The following ZNF441 variants were observed in gnomAD, a reference collection of about 807,000 sequenced individuals.
ZNF441 encodes the protein zinc finger protein 441.
Under a neutral mutation model 64.5 loss-of-function variants are expected in ZNF441, and 25 were observed. The observed-to-expected ratio is 0.39, with a 90% CI of 0.28 to 0.54. The LOEUF (loss-of-function observed/expected upper bound fraction) is 0.54. Ranked by LOEUF, ZNF441 falls within the 20% of genes least tolerant of loss-of-function variation. The pLI is 0.70. For missense variants in ZNF441, 715 were observed against 843.3 expected, an observed-to-expected ratio of 0.85 and a Z score of 1.88; for synonymous variants, 262 against 268.0, an observed-to-expected ratio of 0.98 and a Z score of 0.22.
Position 11,781,002 on chromosome 19 carries a change from A to C in ZNF441, c.1178A>C (p.Lys393Thr), listed in dbSNP as rs1307955259. The C allele has an allele frequency of 5.6e-6, 9 of 1,613,584 alleles. No homozygotes were observed. The Admixed American group carries it at 1.5e-4, about 27-fold the overall frequency. Residue 393 changes from lysine (K) to threonine (T), a missense_variant, in exon 4 of 4, where the codon AAA becomes ACA. Coordinates refer to ENST00000357901, the MANE Select transcript of ZNF441 (RefSeq NM_152355.3). ...ACTCATACTGGGGAGAAACCCTATA[A>C]ATGTGAATGTGGGAAAGCCTTTAGT... ...ETTHTGEKPY[K>T]CECGKAFSDF...
rs1230712000 is a variant in ZNF441, at chr19:11,783,605, A to G, written c.*1699A>G. ...CTATTTGGCCATAAAAAAGAGTAAAATGTTATTGCTAACAACATGGATGGA... is the reference window on the plus strand; with the variant it reads ...CTATTTGGCCATAAAAAAGAGTAAAGTGTTATTGCTAACAACATGGATGGA... On this transcript the variant is annotated 3_prime_UTR_variant, in exon 4 of 4. Coordinates refer to ENST00000357901, the MANE Select transcript of ZNF441 (RefSeq NM_152355.3). The G allele has an allele frequency of 6.6e-6, 1 of 152,190 alleles. No individual in the cohort carries two copies. Among genetic ancestry groups the G allele is most frequent in the Non-Finnish European group, 1.5e-5 (1 of 68,024 alleles). The allele number at this position is 152,190 out of a possible 1,614,324, so 9.4% of individuals were successfully genotyped here.
chr19:11,767,964 G>A lies in ZNF441; in HGVS notation c.3+768G>A, dbSNP rs114579730. Among the ~76,000 whole-genome samples the A allele has an allele frequency of 7.7e-3, 1,171 of 152,300 alleles. 20 individuals are homozygous for A. Among genetic ancestry groups the A allele is most frequent in the African/African-American group, 0.027 (1,113 of 41,562 alleles). ...TGGCTCGCAGTTCTGTGAACCCGGT[G>A]AGGAGGCTGCACGGTGATGACAGGT... is the stretch of plus-strand genomic sequence containing the variant. On this transcript the variant is annotated intron_variant, in intron 1 of 3. Transcript: ENST00000357901. The surrounding 1 kb of genome is among the most constrained non-coding windows in gnomAD (Gnocchi z 5.1).
At chr19:11,778,647 G>C (rs1975372694) in intron 3 of ZNF441, among the ~76,000 whole-genome samples, 1 of 152,100 alleles carries the variant, frequency 6.6e-6, no homozygotes. Flanking sequence ...TGTAGAGATA[G>C]AGTCTTGCTG....
chr19:11,783,206 T>A lies in ZNF441; in HGVS notation c.*1300T>A, dbSNP rs1975417820. The A allele has an allele frequency of 1.3e-5, 2 of 152,212 alleles. No homozygotes were observed. The highest frequency in any genetic ancestry group is 4.1e-4 in the South Asian group (2 of 4,832). The allele number at this position is 152,212 out of a possible 1,614,324, so 9.4% of individuals were successfully genotyped here. A position where few individuals can be genotyped will look rare whatever the true frequency, so the allele number is the denominator to read the frequency against. ...TATATGGAAATATGTTCAACATCACTAATGATTAGGAAAATGCAAATTGAA... is the reference window on the plus strand; with the variant it reads ...TATATGGAAATATGTTCAACATCACAAATGATTAGGAAAATGCAAATTGAA... On this transcript the variant is annotated 3_prime_UTR_variant, in exon 4 of 4. Transcript: ENST00000357901.
rs1274113516 is a variant in ZNF441, at chr19:11,784,068, T to A, written c.*2162T>A. ...CAATAAAAGAAAATATATAAGATAG[T>A]TTTAAAATAACACTATTGTCAGGTG... On this transcript the variant is annotated 3_prime_UTR_variant, in exon 4 of 4. Coordinates refer to ENST00000357901, the MANE Select transcript of ZNF441 (RefSeq NM_152355.3). The A allele has an allele frequency of 3.9e-5, 6 of 152,094 alleles. No homozygotes were observed. The highest frequency in any genetic ancestry group is 8.8e-5 in the Non-Finnish European group (6 of 68,014). 9.4% of individuals were successfully genotyped at this position (152,094 alleles called of 1,614,324 possible).
chr19:11,775,013 G>A (rs1367903235), intron 1 of ZNF441, among the ~76,000 whole-genome samples: 1 of 152,204 alleles, frequency 6.6e-6, no homozygotes, highest in African/African-American at 2.4e-5. Flanking sequence ...TGAAGTCTCT[G>A]TTCCCTTAGC....
Position 11,778,376 on chromosome 19 carries a change from T to C in ZNF441, c.177T>C (p.Asp59=). The change falls in exon 3 of 4, where the codon GAT becomes GAC. Residue 59 remains aspartate, a synonymous_variant. Transcript: ENST00000357901. The part of the protein sequence containing the change: ...NHDIEEDQYK[D]LRRNLRCHMV... ...ATATAGAAGAAGATCAGTACAAAGA[T>C]CTCAGAAGAAATCTAAGGTAATTTG... 1 of 1,547,664 alleles carries C rather than the reference T, an allele frequency of 6.5e-7. No individual in the cohort carries two copies. The highest frequency in any genetic ancestry group is 8.7e-7 in the Non-Finnish European group (1 of 1,145,420).
chr19:11,780,664 T>C lies in ZNF441; in HGVS notation c.840T>C (p.Tyr280=). The C allele has an allele frequency of 6.2e-7, 1 of 1,614,130 alleles. No homozygotes were observed. Among genetic ancestry groups the C allele is most frequent in the East Asian group, 2.2e-5 (1 of 44,872 alleles). ...YERTHTGEQS[Y]ECKQCGKAFY... ...GGACTCACACTGGAGAACAATCCTA[T>C]GAATGTAAGCAATGTGGGAAAGCAT... The change falls in exon 4 of 4, where the codon TAT becomes TAC. Residue 280 remains tyrosine (Y), a synonymous_variant. Transcript: ENST00000357901.
chr19:11,776,120 G>A (rs563844227), intron 1 of ZNF441, among the ~76,000 whole-genome samples: 130 of 152,302 alleles, frequency 8.5e-4, no homozygotes, highest in African/African-American at 2.8e-3. Context: ...ATAAAAAAGA[G>A]AACTTTCTTT....
At position 11,767,165 on chromosome 19, in the gene ZNF441, G is replaced by A. The variant is rs1311803582; in HGVS notation, c.-29G>A. 9 of 1,556,700 alleles carry A rather than the reference G, an allele frequency of 5.8e-6. No homozygotes were observed. The highest frequency in any genetic ancestry group is 7.8e-6 in the Non-Finnish European group (9 of 1,150,090). The stretch of plus-strand genomic sequence containing the variant: ...CCCGCACTGACAGCGGGAGGCAGAG[G>A]GAGGAACCTGGACGCCGGAAGCCGG... On this transcript the variant is annotated 5_prime_UTR_variant, in exon 1 of 4. Coordinates refer to ENST00000357901, the MANE Select transcript of ZNF441 (RefSeq NM_152355.3). This position sits in a 1 kb window ranked among gnomAD's most constrained non-coding sequence, Gnocchi z 5.1.
rs1419176825 is a variant in ZNF441 at position 11,781,343 on chromosome 19, A to T, written c.1519A>T (p.Ile507Leu). Residue 507 changes from isoleucine (I) to leucine (L), a missense_variant, in exon 4 of 4, where the codon ATA (isoleucine) becomes TTA (leucine). This residue lies in a region of ZNF441 where 316 missense variants were observed against 429.3 expected (regional missense o/e 0.74). Coordinates refer to ENST00000357901, the MANE Select transcript of ZNF441 (RefSeq NM_152355.3). ...TGGAGATGGACCTCATAAATGTAAG[A>T]TATGTGGGAAAAGCTTTGATTCTCC... is the stretch of plus-strand genomic sequence containing the variant. Reference protein sequence around the residue: ...HTGDGPHKCKICGKSFDSPSS... With the variant: ...HTGDGPHKCKLCGKSFDSPSS... 2 of 1,613,182 alleles carry T rather than the reference A, an allele frequency of 1.2e-6. No homozygotes were observed. Among genetic ancestry groups the T allele is most frequent in the East Asian group, 2.2e-5 (1 of 44,814 alleles).
In ZNF441 at chr19:11,781,386, A is replaced by ATG. The variant is rs1357269727; in HGVS notation, c.1563_1564dup (p.Glu522ValfsTer58). 6.2e-7 allele frequency: 1 copy of ATG among 1,614,098 alleles called. No homozygotes were observed. The highest frequency in any genetic ancestry group is 1.7e-5 in the Admixed American group (1 of 60,014). On this transcript the variant is annotated frameshift_variant, in exon 4 of 4. Coordinates refer to ENST00000357901, the MANE Select transcript of ZNF441 (RefSeq NM_152355.3). LOFTEE classifies it high-confidence loss of function. ...GATTCTCCCAGTTCATTTCGAAGACATGAAAGAATTCACACTGGGGAGAGA... is the reference window on the plus strand; with the variant it reads ...GATTCTCCCAGTTCATTTCGAAGACATGTGAAAGAATTCACACTGGGGAGAGA...
chr19:11,780,457 TC>T lies in ZNF441; in HGVS notation c.634del (p.His212IlefsTer29). ...ACGCCTTTATTTGGCCTAGTTTATT[TC>T]ATATGCTTAGAAGAACTCACACTGA... ...GNAFIWPSLF[H>X]MLRRTHTEEK... On this transcript the variant is annotated frameshift_variant, in exon 4 of 4. Coordinates refer to ENST00000357901, the MANE Select transcript of ZNF441 (RefSeq NM_152355.3). LOFTEE classifies it high-confidence loss of function. 3 of 1,614,222 alleles carry T rather than the reference TC, an allele frequency of 1.9e-6. No homozygotes were observed. Among genetic ancestry groups the T allele is most frequent in the Non-Finnish European group, 2.5e-6 (3 of 1,180,034 alleles).
intron 3 of ZNF441, among the ~76,000 whole-genome samples, chr19:11,779,161 A>C (rs1443324197): frequency 6.6e-6 from 1 of 152,026 alleles, no homozygotes; most frequent in Admixed American, 6.6e-5. Context: ...TCTACAAAAA[A>C]TACAAAAATT....
chr19:11,771,907 G>A (rs562843822), intron 1 of ZNF441, among the ~76,000 whole-genome samples: 28 of 152,308 alleles, frequency 1.8e-4, no homozygotes, highest in South Asian at 2.1e-4. Context: ...AGGTTTGTCC[G>A]CAGTTACCTG....
At chr19:11,773,117 T>C (rs184053557) in intron 1 of ZNF441, among the ~76,000 whole-genome samples, 4 of 152,322 alleles carry the variant, frequency 2.6e-5, no homozygotes. Context: ...CATTTCCTTC[T>C]AAGCACATTC....
At chr19:11,773,933 T>C (rs1039024160) in intron 1 of ZNF441, among the ~76,000 whole-genome samples, 1 of 152,196 alleles carries the variant, frequency 6.6e-6, no homozygotes, top group Non-Finnish European at 1.5e-5. Flanking sequence ...ATAACTGATG[T>C]AATTGGATTA....
rs1163091254 is a variant in ZNF441 at position 11,783,384 on chromosome 19, A to G, written c.*1478A>G. ...TGGAAAACAGTATGTAGATTTCTCA[A>G]AAACCTAAAAATAGAACCACCACAT... On this transcript the variant is annotated 3_prime_UTR_variant, in exon 4 of 4. Coordinates refer to ENST00000357901, the MANE Select transcript of ZNF441 (RefSeq NM_152355.3). The G allele has an allele frequency of 6.6e-6, 1 of 152,226 alleles. No individual in the cohort carries two copies. The highest frequency in any genetic ancestry group is 1.5e-5 in the Non-Finnish European group (1 of 68,034). The allele number at this position is 152,226 out of a possible 1,614,324, so 9.4% of individuals were successfully genotyped here. A position where few individuals can be genotyped will look rare whatever the true frequency, so the allele number is the denominator to read the frequency against.
rs1975423432 is a variant in ZNF441 at position 11,783,783 on chromosome 19, T to G, written c.*1877T>G. ...GCTGAGAAGGGGAAATGAAGAGAAA[T>G]TGGTGAATATGTACAAATTTCCATT... On this transcript the variant is annotated 3_prime_UTR_variant, in exon 4 of 4. Coordinates refer to ENST00000357901, the MANE Select transcript of ZNF441 (RefSeq NM_152355.3). 6.6e-6 allele frequency: 1 copy of G among 152,036 alleles called. No homozygotes were observed. The highest frequency in any genetic ancestry group is 1.5e-5 in the Non-Finnish European group (1 of 67,992). The allele number at this position is 152,036 out of a possible 1,614,324, so 9.4% of individuals were successfully genotyped here. A position where few individuals can be genotyped will look rare whatever the true frequency, so the allele number is the denominator to read the frequency against.
Sources: allele counts gnomAD v4.1 joint callset (sites outside exome capture counted in the v4.1 genomes callset), GRCh38; gene constraint gnomAD v4.1.1; regional missense constraint gnomAD v4.1.1; non-coding constraint Gnocchi (gnomAD v3.1); transcripts MANE v1.5; gene names NCBI Gene and HGNC (gene_info 2026-07-23, HGNC 2026-07-21).